CMTM8: variants seen among roughly 807,000 people sequenced by gnomAD.
CMTM8 encodes the protein CKLF like MARVEL transmembrane domain containing 8.
Under a neutral mutation model 18.6 loss-of-function variants are expected in CMTM8, and 12 were observed. The ratio of observed to expected loss-of-function variants is 0.65; its 90% CI spans 0.41 to 1.05. The LOEUF is 1.05. Ranked by LOEUF, CMTM8 falls within the 50% of genes least tolerant of loss-of-function variation. The pLI, the probability that CMTM8 is intolerant of heterozygous loss-of-function variation, is 0.00. For synonymous variants in CMTM8, 87 were observed against 90.6 expected (o/e 0.96, Z 0.23); for missense variants, 217 against 227.2 (o/e 0.95, Z 0.29).
chr3:32,270,524 G>A (rs1702422023), intron 1 of CMTM8, among the ~76,000 whole-genome samples: 1 of 152,304 alleles, frequency 6.6e-6, no homozygotes, highest in East Asian at 1.9e-4. Context: ...TAGACACCGT[G>A]GAATACTATG....
Position 32,361,227 on chromosome 3 carries a change from C to T in CMTM8, c.321+3681C>T, listed in dbSNP as rs537679688. Among the ~76,000 whole-genome samples the T allele has an allele frequency of 1.5e-4, 22 of 147,618 alleles. No homozygotes were observed. The East Asian group carries it at 2.0e-3, about 13-fold the overall frequency. ...AACTCCCCAACTCAGGTGATCCACCCGCCTCGGTCTCCCAAAGTACTGGGA... is the reference window on the plus strand; with the variant it reads ...AACTCCCCAACTCAGGTGATCCACCTGCCTCGGTCTCCCAAAGTACTGGGA... On this transcript the variant is annotated intron_variant, in intron 2 of 3. Coordinates refer to ENST00000307526, the MANE Select transcript of CMTM8 (RefSeq NM_178868.5).
intron 1 of CMTM8, chr3:32,259,117 G>T (rs760113927): frequency 2.0e-5 from 8 of 400,866 alleles, no homozygotes; most frequent in Middle Eastern, 8.5e-4. Flanking sequence ...CAGCTTCCAG[G>T]GTGGCATGGG....
chr3:32,333,499 G>GTATACACTGTGT (rs1696320821), intron 1 of CMTM8, among the ~76,000 whole-genome samples: 1 of 152,128 alleles, frequency 6.6e-6, no homozygotes, highest in African/African-American at 2.4e-5. Flanking sequence ...ACTGATGTTT[G>GTATACACTGTGT]GGAAGCACTG....
At chr3:32,360,435 A>G in intron 2 of CMTM8, among the ~76,000 whole-genome samples, 1 of 152,270 alleles carries the variant, frequency 6.6e-6, no homozygotes, top group East Asian at 1.9e-4. Context: ...TTACAACTAA[A>G]TACACCTTTG....
intron 1 of CMTM8, among the ~76,000 whole-genome samples, chr3:32,264,750 G>C (rs1053869026): frequency 6.6e-6 from 1 of 152,092 alleles, no homozygotes. Context: ...TAAAGGGGTG[G>C]AGGAAGATCT....
rs537271107 is a variant in CMTM8, at chr3:32,241,200, C to G, written c.147+2081C>G. Among the ~76,000 whole-genome samples the G allele has an allele frequency of 3.3e-5, 5 of 152,230 alleles. No individual in the cohort carries two copies. In the South Asian group the frequency reaches 1.0e-3, roughly 32 times the overall value. Reference sequence around the variant, plus strand: ...GTTTATAATGCTGTTTATTGGTGTTCCCTCACCCACCCAGTCATAGACATT... The same window carrying G: ...GTTTATAATGCTGTTTATTGGTGTTGCCTCACCCACCCAGTCATAGACATT... On this transcript the variant is annotated intron_variant, in intron 1 of 3. Transcript: ENST00000307526.
At chr3:32,271,787 A>G (rs1702442679) in intron 1 of CMTM8, among the ~76,000 whole-genome samples, 1 of 152,186 alleles carries the variant, frequency 6.6e-6, no homozygotes. Context: ...TACTTAGTCT[A>G]TTATACAGGC....
intron 1 of CMTM8, among the ~76,000 whole-genome samples, chr3:32,265,778 A>G (rs1702332170): frequency 6.6e-6 from 1 of 152,248 alleles, no homozygotes. Context: ...GGATATCACC[A>G]CCGATCCCAC....
intron 1 of CMTM8, among the ~76,000 whole-genome samples, chr3:32,314,481 T>C (rs1202875591): frequency 1.1e-4 from 2 of 18,318 alleles, no homozygotes; most frequent in African/African-American, 6.0e-4. Flanking sequence ...AGCCAGAAAA[T>C]TTTTTTTTTT....
Position 32,360,309 on chromosome 3 carries a change from G to C in CMTM8, c.321+2763G>C, listed in dbSNP as rs184725260. Among the ~76,000 whole-genome samples, 10 of 152,308 alleles carry C rather than the reference G, an allele frequency of 6.6e-5. No individual in the cohort carries two copies. In the East Asian group the frequency reaches 1.9e-3, roughly 29 times the overall value. On this transcript the variant is annotated intron_variant, in intron 2 of 3. Coordinates refer to ENST00000307526, the MANE Select transcript of CMTM8 (RefSeq NM_178868.5). ...AAGGCAATCTAGAAATCTGGGCTTT[G>C]GTGTGAACTCTCCCAATTTTAAAAT...
At chr3:32,357,572 T>C (rs919043655) in intron 2 of CMTM8, 26 bp downstream of exon 2, 1 of 1,611,258 alleles carries the variant, frequency 6.2e-7, no homozygotes, top group Non-Finnish European at 8.5e-7. Flanking sequence ...GTGGTGGTCT[T>C]GTCCAGTGCC....
At chr3:32,269,856 T>C (rs1249127761) in intron 1 of CMTM8, among the ~76,000 whole-genome samples, 2 of 151,616 alleles carry the variant, frequency 1.3e-5, no homozygotes, top group Non-Finnish European at 2.9e-5. Flanking sequence ...TAGTTCACTC[T>C]AAACTTGAAC....
intron 1 of CMTM8, among the ~76,000 whole-genome samples, chr3:32,328,221 C>CA (rs1162282077): frequency 1.3e-5 from 2 of 151,566 alleles, no homozygotes; most frequent in Non-Finnish European, 2.9e-5. Flanking sequence ...ACTAAAAATA[C>CA]AAAAAATTAG....
intron 1 of CMTM8, among the ~76,000 whole-genome samples, chr3:32,308,473 A>G (rs1695757184): frequency 1.3e-5 from 2 of 152,164 alleles, no homozygotes. Context: ...CTTCTCCAGA[A>G]CTTAGCTACT....
chr3:32,319,074 A>ATATATATATATATATTTTTTTTTTTTT, intron 1 of CMTM8, among the ~76,000 whole-genome samples: 3 of 31,530 alleles, frequency 9.5e-5, no homozygotes, highest in East Asian at 1.6e-3. Context: ...ATATATATAT[A>ATATATATATATATATTTTTTTTTTTTT]TTTTTTTTTT....
rs1702069583 is a variant in CMTM8 at position 32,248,368 on chromosome 3, G to GC, written c.147+9250dup. Among the ~76,000 whole-genome samples the GC allele has an allele frequency of 2.6e-5, 4 of 152,074 alleles. No homozygotes were observed. In the South Asian group the frequency reaches 8.3e-4, roughly 32 times the overall value. ...TGCTGCTGTGAACTTTCATGTATAA[G>GC]CTTTTTTTTTTGACACACAGTCTCA... On this transcript the variant is annotated intron_variant, in intron 1 of 3. Coordinates refer to ENST00000307526, the MANE Select transcript of CMTM8 (RefSeq NM_178868.5).
intron 1 of CMTM8, among the ~76,000 whole-genome samples, chr3:32,239,820 G>A: frequency 6.6e-6 from 1 of 152,198 alleles, no homozygotes; most frequent in African/African-American, 2.4e-5. Context: ...AGCAGTTAGA[G>A]GTGGTCACTG....
chr3:32,264,257 A>C (rs1008682898), intron 1 of CMTM8, among the ~76,000 whole-genome samples: 5 of 152,258 alleles, frequency 3.3e-5, no homozygotes, highest in African/African-American at 1.2e-4. Context: ...CTCTCTCAGC[A>C]GAAACTCTAC....
At chr3:32,287,285 G>A (rs1358551890) in intron 1 of CMTM8, among the ~76,000 whole-genome samples, 1 of 152,160 alleles carries the variant, frequency 6.6e-6, no homozygotes, top group East Asian at 1.9e-4. Context: ...TTACTCCTCT[G>A]AATTTGAAGT....
Sources: gnomAD v4.1 joint callset for allele counts (sites outside exome capture counted in the v4.1 genomes callset) on GRCh38, gnomAD v4.1.1 for gene constraint, MANE v1.5 for transcripts, NCBI Gene and HGNC (gene_info 2026-07-23, HGNC 2026-07-21) for gene names.